The following MBD5 variants were observed in gnomAD, a reference collection of about 807,000 sequenced individuals.
MBD5 encodes the protein methyl-CpG-binding domain protein 5.
In MBD5, 13 loss-of-function variants were observed where a neutral mutation model predicts 117.3. The ratio of observed to expected loss-of-function variants is 0.11; its 90% CI spans 0.07 to 0.18. MBD5 has a LOEUF of 0.18. Ranked by LOEUF, MBD5 falls within the 10% of genes least tolerant of loss-of-function variation. The pLI is 1.00. For synonymous variants in MBD5, 727 were observed against 766.4 expected, an observed-to-expected ratio of 0.95 and a Z score of 0.85; for missense variants, 1,879 against 2,093.8, an observed-to-expected ratio of 0.90 and a Z score of 2.00.
intron 1 of MBD5, among the ~76,000 whole-genome samples, chr2:148,039,452 G>A (rs558113554): frequency 6.6e-6 from 1 of 152,200 alleles, no homozygotes; most frequent in Admixed American, 6.5e-5. Context: ...CTCTTCTGAT[G>A]TACTTAAGTG....
At chr2:148,165,052 CTT>C (rs1479418799) in intron 1 of MBD5, among the ~76,000 whole-genome samples, 1 of 152,092 alleles carries the variant, frequency 6.6e-6, no homozygotes, top group Non-Finnish European at 1.5e-5. Context: ...TAACTTTCCT[CTT>C]GTTACATATT....
chr2:148,404,657 A>G (rs1705023783), intron 4 of MBD5, among the ~76,000 whole-genome samples: 1 of 152,176 alleles, frequency 6.6e-6, no homozygotes, highest in Non-Finnish European at 1.5e-5. Context: ...TCTAGGGATC[A>G]CTTCATTTGT....
chr2:148,118,684 C>T lies in MBD5; in HGVS notation c.-924-60016C>T, dbSNP rs997126431. Among the ~76,000 whole-genome samples the T allele has an allele frequency of 1.3e-5, 2 of 152,046 alleles. 1 individual carries two copies. The highest frequency in any genetic ancestry group is 4.8e-5 in the African/African-American group (2 of 41,426). On this transcript the variant is annotated intron_variant, in intron 1 of 13. Transcript: ENST00000642680. ...CCATTAGTGATCACTCCCCATTCTC[C>T]TCTGACCCTACTCCCAGCTCTAGGC...
At chr2:148,031,523 T>C (rs1694040533) in intron 1 of MBD5, among the ~76,000 whole-genome samples, 1 of 152,150 alleles carries the variant, frequency 6.6e-6, no homozygotes, top group Non-Finnish European at 1.5e-5. Context: ...GTTTGAAAGC[T>C]GGGATTAAAA....
At chr2:148,031,411 G>C (rs769748309) in intron 1 of MBD5, among the ~76,000 whole-genome samples, 1 of 152,052 alleles carries the variant, frequency 6.6e-6, no homozygotes, top group Non-Finnish European at 1.5e-5. Flanking sequence ...AGTTAATCAG[G>C]GTTTAGGTGG....
chr2:148,179,859 A>T (rs890939403), intron 2 of MBD5, among the ~76,000 whole-genome samples: 4 of 152,200 alleles, frequency 2.6e-5, no homozygotes, highest in Non-Finnish European at 5.9e-5. Context: ...CTAAATGGAA[A>T]TGAGATGCTG....
chr2:148,423,989 T>C (rs1705692139), intron 4 of MBD5, among the ~76,000 whole-genome samples: 1 of 151,462 alleles, frequency 6.6e-6, no homozygotes, highest in Non-Finnish European at 1.5e-5. Context: ...CCATCCTGGC[T>C]AACACAGTGA....
rs190446827 is a variant in MBD5, at chr2:148,033,908, C to A, written c.-925+12224C>A. ...TTAAAACATTCCAATTGAGAAAATA[C>A]CAGCATTGATTCATTTTCCATGCAA... On this transcript the variant is annotated intron_variant, in intron 1 of 13. Transcript: ENST00000642680. Among the ~76,000 whole-genome samples, 1,074 of 152,252 alleles carry A rather than the reference C, an allele frequency of 7.1e-3. 7 individuals are homozygous for A. The highest frequency in any genetic ancestry group is 0.011 in the Admixed American group (172 of 15,276).
chr2:148,396,030 C>T (rs1704704495), intron 4 of MBD5, among the ~76,000 whole-genome samples: 2 of 152,200 alleles, frequency 1.3e-5, no homozygotes, highest in Non-Finnish European at 2.9e-5. Context: ...CTGTGTTCAA[C>T]TCATTCTTCT....
At chr2:148,342,502 T>G (rs1702971222) in intron 4 of MBD5, among the ~76,000 whole-genome samples, 166 bp downstream of exon 4, 1 of 151,980 alleles carries the variant, frequency 6.6e-6, no homozygotes, top group South Asian at 2.1e-4. Context: ...ATTATTTCTA[T>G]TGGAAAATGA....
intron 9 of MBD5, chr2:148,485,301 G>C (rs201200127): frequency 6.1e-6 from 1 of 162,664 alleles, no homozygotes; most frequent in Non-Finnish European, 1.4e-5. Flanking sequence ...ATTATGGCTT[G>C]AGAACTAAAT....
At chr2:148,212,599 T>A (rs1471085085) in intron 2 of MBD5, among the ~76,000 whole-genome samples, 1 of 152,178 alleles carries the variant, frequency 6.6e-6, no homozygotes, top group Non-Finnish European at 1.5e-5. Flanking sequence ...TGTGTGTATG[T>A]ATATATGTGT....
intron 9 of MBD5, among the ~76,000 whole-genome samples, chr2:148,484,907 A>G (rs538796240): frequency 2.5e-4 from 38 of 152,284 alleles, no homozygotes; most frequent in African/African-American, 9.1e-4. Flanking sequence ...AGGTGTAAAA[A>G]ATTTGTTTAT....
chr2:148,293,379 A>C (rs1164439516), intron 3 of MBD5, among the ~76,000 whole-genome samples: 1 of 152,162 alleles, frequency 6.6e-6, no homozygotes, highest in East Asian at 1.9e-4. Context: ...GTATATTTTA[A>C]ACTTAAAGAA....
At chr2:148,363,294 G>A (rs980146369) in intron 4 of MBD5, among the ~76,000 whole-genome samples, 12 of 152,044 alleles carry the variant, frequency 7.9e-5, no homozygotes, top group African/African-American at 2.4e-4. Context: ...GTGCAGTGGC[G>A]CAATCTTGGC....
Position 148,120,751 on chromosome 2 carries a change from T to C in MBD5, c.-924-57949T>C, listed in dbSNP as rs574761804. On this transcript the variant is annotated intron_variant, in intron 1 of 13. Transcript: ENST00000642680. ...TAAAGATTGATTTAATTATTCCTTT[T>C]AAACCTGGCTGTCTTCTATTTCTTT... Among the ~76,000 whole-genome samples, 3 of 152,336 alleles carry C rather than the reference T, an allele frequency of 2.0e-5. No individual in the cohort carries two copies. In the East Asian group the frequency reaches 5.8e-4, roughly 29 times the overall value.
At chr2:148,174,156 T>C (rs1288696564) in intron 1 of MBD5, among the ~76,000 whole-genome samples, 1 of 152,176 alleles carries the variant, frequency 6.6e-6, no homozygotes, top group African/African-American at 2.4e-5. Flanking sequence ...CCCATGCATG[T>C]ATGGTCAATT....
At chr2:148,480,604 A>G (rs1316985435) in intron 8 of MBD5, among the ~76,000 whole-genome samples, 1 of 152,128 alleles carries the variant, frequency 6.6e-6, no homozygotes, top group Non-Finnish European at 1.5e-5. Context: ...TTTTAAAAAA[A>G]TTAAAAAGAT....
Position 148,419,100 on chromosome 2 carries a change from TA to T in MBD5, c.-556-39102del, listed in dbSNP as rs1458541588. 2.0e-5 allele frequency among the ~76,000 whole-genome samples: 3 copies of T among 152,074 alleles called. No homozygotes were observed. The South Asian group carries it at 6.2e-4, about 32-fold the overall frequency. ...AAGTACTTACAACCAATTGATTTTC[TA>T]GAAAGAGTACAGTAATATGACTTGG... On this transcript the variant is annotated intron_variant, in intron 4 of 13. Transcript: ENST00000642680.
Sources: allele counts gnomAD v4.1 joint callset (sites outside exome capture counted in the v4.1 genomes callset), GRCh38; gene constraint gnomAD v4.1.1; transcripts MANE v1.5; gene names NCBI Gene and HGNC (gene_info 2026-07-23, HGNC 2026-07-21).